The following CPSF2 variants were observed in gnomAD, a reference collection of about 807,000 sequenced individuals.
CPSF2 encodes the protein cleavage and polyadenylation specific factor 2.
A neutral mutation model predicts 84.2 loss-of-function variants in CPSF2; 51 were observed. The observed-to-expected ratio is 0.61, with a 90% CI of 0.48 to 0.77. The LOEUF (loss-of-function observed/expected upper bound fraction) is 0.77, where lower values mean the gene tolerates loss of function less well. CPSF2 is among the 30% of genes least tolerant of loss of function. The pLI is 0.00. For synonymous variants in CPSF2, 286 were observed against 311.9 expected (o/e 0.92, Z 0.87); for missense variants, 641 against 929.4 (o/e 0.69, Z 4.03).
In CPSF2 at chr14:92,168,490, C is replaced by T. The variant is rs2069479843; in HGVS notation, c.*6746C>T. The stretch of plus-strand genomic sequence containing the variant: ...CTTTTCCTCCCCACCACTATACGCA[C>T]ATGCACACACAGCTCTATTTTTTGG... On this transcript the variant is annotated 3_prime_UTR_variant, in exon 16 of 16. Coordinates refer to ENST00000298875, the MANE Select transcript of CPSF2 (RefSeq NM_017437.3). 2.0e-5 allele frequency: 3 copies of T among 152,172 alleles called. No homozygotes were observed. The allele number at this position is 152,172 out of a possible 1,614,324, so 9.4% of individuals were successfully genotyped here. A position where few individuals can be genotyped will look rare whatever the true frequency, so the allele number is the denominator to read the frequency against.
intron 5 of CPSF2, among the ~76,000 whole-genome samples, chr14:92,135,126 T>A (rs867704207): frequency 2.6e-5 from 4 of 152,218 alleles, no homozygotes; most frequent in African/African-American, 7.2e-5. Flanking sequence ...CTTGTACTTA[T>A]AAGCACAAAT....
intron 9 of CPSF2, among the ~76,000 whole-genome samples, chr14:92,151,922 G>GGATC (rs943775044): frequency 1.3e-5 from 2 of 151,130 alleles, no homozygotes; most frequent in Non-Finnish European, 2.9e-5. Flanking sequence ...TGAAGTGGGA[G>GGATC]GATCGCTTGA....
In CPSF2 at chr14:92,154,371, T is replaced by C; in HGVS notation, c.1154T>C (p.Val385Ala). ...ATTTTTTTTTAGTTGAGGAAACGTG[T>C]GAAGCTTGAAGGGAAAGAACTTGAA... The part of the protein sequence containing the change: ...KITEIELRKR[V>A]KLEGKELEEY... Residue 385 changes from valine (V) to alanine (A), a missense_variant, in exon 10 of 16, where the codon GTG (valine) becomes GCG (alanine). Val to Ala is a moderately conservative substitution (Grantham distance 64). Coordinates refer to ENST00000298875, the MANE Select transcript of CPSF2 (RefSeq NM_017437.3). 6.2e-7 allele frequency: 1 copy of C among 1,600,662 alleles called. No homozygotes were observed. Among genetic ancestry groups the C allele is most frequent in the Non-Finnish European group, 8.5e-7 (1 of 1,176,422 alleles).
At position 92,124,899 on chromosome 14, in the gene CPSF2, C is replaced by T. The variant is rs371020341; in HGVS notation, c.-93-1223C>T. Among the ~76,000 whole-genome samples the T allele has an allele frequency of 1.8e-4, 27 of 152,158 alleles. 2 individuals are homozygous for T. The highest frequency in any genetic ancestry group is 5.8e-4 in the African/African-American group (24 of 41,504). ...GAAATTAAAAAGTACATTTGTGGCA[C>T]GCATTATATGTCTGTTGACAGAGCT... On this transcript the variant is annotated intron_variant, in intron 1 of 15. Coordinates refer to ENST00000298875, the MANE Select transcript of CPSF2 (RefSeq NM_017437.3).
intron 14 of CPSF2, 99 bp downstream of exon 14, chr14:92,159,381 G>A (rs1595068121): frequency 2.2e-6 from 2 of 892,230 alleles, no homozygotes; most frequent in African/African-American, 1.7e-5. Flanking sequence ...AACTAAGTGG[G>A]TCTGTGGAAC....
Position 92,157,415 on chromosome 14 carries a change from G to T in CPSF2, c.1596-244G>T, listed in dbSNP as rs2069303995. Reference sequence around the variant, plus strand: ...CCAGTTACTTGGGAGGCTGAGTCAGGAGAATCACTTGAACCTGGGAGGTAG... The same window carrying T: ...CCAGTTACTTGGGAGGCTGAGTCAGTAGAATCACTTGAACCTGGGAGGTAG... On this transcript the variant is annotated intron_variant, in intron 12 of 15. Transcript: ENST00000298875. This position sits in a 1 kb window ranked among gnomAD's most constrained non-coding sequence, Gnocchi z 4.0. Among the ~76,000 whole-genome samples the T allele has an allele frequency of 6.6e-6, 1 of 152,140 alleles. No individual in the cohort carries two copies. The highest frequency in any genetic ancestry group is 2.4e-5 in the African/African-American group (1 of 41,426).
chr14:92,148,353 CCA>C (rs2069168820), intron 9 of CPSF2, among the ~76,000 whole-genome samples: 1 of 152,060 alleles, frequency 6.6e-6, no homozygotes, highest in African/African-American at 2.4e-5. Context: ...CTAAATATTG[CCA>C]GTGTGTGTTA....
rs1415625687 is a variant in CPSF2, at chr14:92,156,502, A to C, written c.1466A>C (p.Glu489Ala). The C allele has an allele frequency of 6.2e-7, 1 of 1,611,704 alleles. No homozygotes were observed. The highest frequency in any genetic ancestry group is 1.1e-5 in the South Asian group (1 of 90,900). Residue 489 changes from glutamate (E) to alanine (A), a missense_variant, in exon 12 of 16, where the codon GAG becomes GCG. By Grantham distance (107) the Glu-to-Ala change is moderately radical. This residue lies in a region of CPSF2 where 430 missense variants were observed against 553.6 expected (regional missense o/e 0.78). Coordinates refer to ENST00000298875, the MANE Select transcript of CPSF2 (RefSeq NM_017437.3). ...IIKPEDFLVP[E>A]LQATEEEKSK... is the part of the protein sequence containing the mutation. Reference sequence around the variant, plus strand: ...AGACCAGAGGATTTCTTAGTGCCAGAGCTTCAAGCTACTGAAGAAGAAAAA... The same window carrying C: ...AGACCAGAGGATTTCTTAGTGCCAGCGCTTCAAGCTACTGAAGAAGAAAAA...
At chr14:92,154,486 T>A in intron 10 of CPSF2, 28 bp downstream of exon 10, 3 of 1,436,996 alleles carry the variant, frequency 2.1e-6, no homozygotes, top group Non-Finnish European at 2.9e-6. Context: ...AGATTATAAA[T>A]TTATGGATGC....
intron 6 of CPSF2, among the ~76,000 whole-genome samples, chr14:92,136,962 C>A (rs2069007751): frequency 1.3e-5 from 2 of 150,320 alleles, no homozygotes; most frequent in South Asian, 2.1e-4. Flanking sequence ...AACCAAGTTA[C>A]AAAGTAAAAG....
In CPSF2 at chr14:92,161,790, G is replaced by A; in HGVS notation, c.*46G>A. ...ATCTGCTTGACCTTTCTAAGAAAAAGGGATTCTTATCTTACTCTGAGCTTT... is the reference window on the plus strand; with the variant it reads ...ATCTGCTTGACCTTTCTAAGAAAAAAGGATTCTTATCTTACTCTGAGCTTT... On this transcript the variant is annotated 3_prime_UTR_variant, in exon 16 of 16. Coordinates refer to ENST00000298875, the MANE Select transcript of CPSF2 (RefSeq NM_017437.3). 1 of 1,095,844 alleles carries A rather than the reference G, an allele frequency of 9.1e-7. No homozygotes were observed. Among genetic ancestry groups the A allele is most frequent in the Non-Finnish European group, 1.3e-6 (1 of 760,974 alleles). The allele number at this position is 1,095,844 out of a possible 1,614,324, so 67.9% of individuals were successfully genotyped here.
Position 92,169,397 on chromosome 14 carries a change from A to T in CPSF2, c.*7653A>T, listed in dbSNP as rs540411966. 6.6e-6 allele frequency: 1 copy of T among 150,582 alleles called. No homozygotes were observed. The highest frequency in any genetic ancestry group is 6.6e-5 in the Admixed American group (1 of 15,202). 9.3% of individuals were successfully genotyped at this position (150,582 alleles called of 1,614,324 possible). On this transcript the variant is annotated 3_prime_UTR_variant, in exon 16 of 16. Coordinates refer to ENST00000298875, the MANE Select transcript of CPSF2 (RefSeq NM_017437.3). ...CTACCGTGGTTGATTTTTTAATTTT[A>T]CATTAACTATTTAATATCAGACTAT...
rs1464863535 is a variant in CPSF2, at chr14:92,134,146, G to A, written c.285G>A (p.Gln95=). 1 of 1,614,144 alleles carries A rather than the reference G, an allele frequency of 6.2e-7. No homozygotes were observed. Among genetic ancestry groups the A allele is most frequent in the Admixed American group, 1.7e-5 (1 of 60,024 alleles). Reference sequence around the variant, plus strand: ...CCATTCCTGTTTATAAAATGGGACAGATGTTCATGTATGATCTTTATCAGG... The same window carrying A: ...CCATTCCTGTTTATAAAATGGGACAAATGTTCATGTATGATCTTTATCAGG... ...YATIPVYKMG[Q]MFMYDLYQSR... The change falls in exon 4 of 16, where the codon CAG becomes CAA. Residue 95 remains glutamine (Q), a synonymous_variant. Coordinates refer to ENST00000298875, the MANE Select transcript of CPSF2 (RefSeq NM_017437.3).
At chr14:92,140,950 G>T (rs1046436240) in intron 7 of CPSF2, among the ~76,000 whole-genome samples, 5 of 151,984 alleles carry the variant, frequency 3.3e-5, no homozygotes, top group Non-Finnish European at 7.4e-5. Context: ...AAAAGTAGCG[G>T]CTCTTTAAGT....
Position 92,170,442 on chromosome 14 carries a change from T to TA in CPSF2, c.*8702dup, listed in dbSNP as rs1307670075. 6.6e-6 allele frequency: 1 copy of TA among 152,194 alleles called. No homozygotes were observed. The highest frequency in any genetic ancestry group is 1.5e-5 in the Non-Finnish European group (1 of 68,032). The allele number at this position is 152,194 out of a possible 1,614,324, so 9.4% of individuals were successfully genotyped here. A position where few individuals can be genotyped will look rare whatever the true frequency, so the allele number is the denominator to read the frequency against. The stretch of plus-strand genomic sequence containing the variant: ...GACACTCCTACATAACCACAGTACT[T>TA]AAAATCAGGAAACCAGCATTGATAA... On this transcript the variant is annotated 3_prime_UTR_variant, in exon 16 of 16. Coordinates refer to ENST00000298875, the MANE Select transcript of CPSF2 (RefSeq NM_017437.3).
rs1192710585 is a variant in CPSF2, at chr14:92,171,645, A to G, written c.*9901A>G. 3 of 152,174 alleles carry G rather than the reference A, an allele frequency of 2.0e-5. No individual in the cohort carries two copies. The highest frequency in any genetic ancestry group is 4.8e-5 in the African/African-American group (2 of 41,420). 9.4% of individuals were successfully genotyped at this position (152,174 alleles called of 1,614,324 possible). On this transcript the variant is annotated 3_prime_UTR_variant, in exon 16 of 16. Coordinates refer to ENST00000298875, the MANE Select transcript of CPSF2 (RefSeq NM_017437.3). ...GATCCGGATGCTAAAGGCTGTGCTC[A>G]TTGCCCCTGTGCTAGCATTGCCACT...
At chr14:92,156,755 A>G in intron 12 of CPSF2, 124 bp downstream of exon 12, 1 of 527,242 alleles carries the variant, frequency 1.9e-6, no homozygotes. Context: ...GTGCTTTTAA[A>G]ATTTATTTTT....
chr14:92,163,134 C>T lies in CPSF2; in HGVS notation c.*1390C>T, dbSNP rs1460282940. ...GGCCAGGCTGGTCTCAAACTCCTGA[C>T]CTCAAGCGATCCACCCACCTAGGCC... On this transcript the variant is annotated 3_prime_UTR_variant, in exon 16 of 16. Coordinates refer to ENST00000298875, the MANE Select transcript of CPSF2 (RefSeq NM_017437.3). 6.6e-6 allele frequency: 1 copy of T among 152,178 alleles called. No individual in the cohort carries two copies. The highest frequency in any genetic ancestry group is 2.4e-5 in the African/African-American group (1 of 41,440). The allele number at this position is 152,178 out of a possible 1,614,324, so 9.4% of individuals were successfully genotyped here. A position where few individuals can be genotyped will look rare whatever the true frequency, so the allele number is the denominator to read the frequency against.
chr14:92,143,144 A>G lies in CPSF2; in HGVS notation c.990A>G (p.Gln330=). The G allele has an allele frequency of 1.2e-6, 2 of 1,614,050 alleles. No individual in the cohort carries two copies. The highest frequency in any genetic ancestry group is 1.7e-6 in the Non-Finnish European group (2 of 1,180,014). ...GCCCTAAAGTTGTACTTGCCAGCCAACCTGACCTGGAATGCGGATTTTCAA... is the reference window on the plus strand; with the variant it reads ...GCCCTAAAGTTGTACTTGCCAGCCAGCCTGACCTGGAATGCGGATTTTCAA... ...VPSPKVVLAS[Q]PDLECGFSRD... is the part of the protein sequence containing the mutation. The change falls in exon 9 of 16, where the codon CAA becomes CAG. Residue 330 remains glutamine (Q), a synonymous_variant. Transcript: ENST00000298875.
Sources: allele counts gnomAD v4.1 joint callset (sites outside exome capture counted in the v4.1 genomes callset), GRCh38; gene constraint gnomAD v4.1.1; regional missense constraint gnomAD v4.1.1; non-coding constraint Gnocchi (gnomAD v3.1); transcripts MANE v1.5; gene names NCBI Gene and HGNC (gene_info 2026-07-23, HGNC 2026-07-21).